The following CPED1 variants were observed in gnomAD, a reference collection of about 807,000 sequenced individuals.
The protein encoded by CPED1 is cadherin-like and PC-esterase domain-containing protein 1.
CPED1 carries 114 observed loss-of-function variants against 128.2 expected under a neutral mutation model. The observed-to-expected ratio is 0.89, with a 90% CI of 0.76 to 1.04. The LOEUF (loss-of-function observed/expected upper bound fraction) is 1.04. Among genes scored for constraint, CPED1 ranks in the 50% least tolerant of loss-of-function variants. The pLI, the probability that CPED1 is intolerant of heterozygous loss-of-function variation, is 0.00. For synonymous variants in CPED1, 462 were observed against 426.7 expected, an observed-to-expected ratio of 1.08 and a Z score of -1.02; for missense variants, 1,211 against 1,207.1, an observed-to-expected ratio of 1.00 and a Z score of -0.05.
At chr7:121,186,242 A>G (rs1796999479) in intron 16 of CPED1, among the ~76,000 whole-genome samples, 1 of 152,140 alleles carries the variant, frequency 6.6e-6, no homozygotes, top group South Asian at 2.1e-4. Context: ...GTCTTTGGTA[A>G]AATATGTTTC....
chr7:121,068,736 C>T (rs1793918464), intron 5 of CPED1, among the ~76,000 whole-genome samples: 1 of 151,330 alleles, frequency 6.6e-6, no homozygotes. Flanking sequence ...ATTGATTCTT[C>T]CTACCCATGA....
chr7:121,146,460 A>G (rs1796026856), intron 16 of CPED1, among the ~76,000 whole-genome samples: 2 of 152,260 alleles, frequency 1.3e-5, no homozygotes, highest in South Asian at 2.1e-4. Context: ...CCACTTCCAA[A>G]TAACCAAAGA....
rs191533941 is a variant in CPED1 at position 121,125,725 on chromosome 7, G to T, written c.1062-95G>T. On this transcript the variant is annotated intron_variant, in intron 8 of 22. Transcript: ENST00000310396. ...CCAGTCTATCATTAATGGGCATTTG[G>T]GTTGGTTCCAAGTTTTGCTGTTATA... 1.7e-3 allele frequency: 1,413 copies of T among 815,864 alleles called. 3 individuals are homozygous for T. The highest frequency in any genetic ancestry group is 0.011 in the Middle Eastern group (33 of 3,014). The allele number at this position is 815,864 out of a possible 1,614,324, so 50.5% of individuals were successfully genotyped here.
chr7:121,131,280 A>G (rs1031159122), intron 12 of CPED1, among the ~76,000 whole-genome samples: 6 of 152,120 alleles, frequency 3.9e-5, no homozygotes, highest in African/African-American at 1.4e-4. Context: ...CTTATTTGCC[A>G]TGGCTTTAAG....
intron 11 of CPED1, among the ~76,000 whole-genome samples, 173 bp from the exon 12 acceptor site, chr7:121,129,952 A>C (rs1056817015): frequency 6.6e-6 from 1 of 152,026 alleles, no homozygotes; most frequent in Non-Finnish European, 1.5e-5. Context: ...AGTTTCTTAT[A>C]AAAAGTGGCA....
At chr7:121,064,098 C>T (rs564409586) in intron 4 of CPED1, 140 bp from the exon 5 acceptor site, 56 of 558,390 alleles carry the variant, frequency 1.0e-4, no homozygotes, top group African/African-American at 7.8e-4. Context: ...TGCATGTTGA[C>T]TTGCAGAGAT....
chr7:121,101,002 T>C (rs1347805262), intron 7 of CPED1, among the ~76,000 whole-genome samples: 1 of 152,170 alleles, frequency 6.6e-6, no homozygotes, highest in African/African-American at 2.4e-5. Flanking sequence ...CATATTCTTC[T>C]GTAAGTTTAA....
chr7:121,100,131 A>C, intron 7 of CPED1, 37 bp downstream of exon 7: 1 of 1,596,128 alleles, frequency 6.3e-7, no homozygotes, highest in East Asian at 2.2e-5. Context: ...TCACGTAAGT[A>C]CACTGAAGTA....
intron 16 of CPED1, among the ~76,000 whole-genome samples, chr7:121,176,119 G>A (rs1310112276): frequency 6.7e-6 from 1 of 149,254 alleles, no homozygotes; most frequent in Non-Finnish European, 1.5e-5. Context: ...ATAGGGATAG[G>A]GTTAAATAAA....
At chr7:121,243,398 G>A (rs1030651852) in intron 17 of CPED1, among the ~76,000 whole-genome samples, 1 of 152,124 alleles carries the variant, frequency 6.6e-6, no homozygotes, top group Admixed American at 6.5e-5. Context: ...AAGCTGAAGT[G>A]TTTTGCATGA....
intron 2 of CPED1, among the ~76,000 whole-genome samples, chr7:121,001,158 A>G (rs1791844727): frequency 6.6e-6 from 1 of 152,098 alleles, no homozygotes; most frequent in Non-Finnish European, 1.5e-5. Context: ...CTACTTGTCC[A>G]CTTTCCTTTT....
chr7:121,268,663 T>G (rs1792178893), intron 21 of CPED1, among the ~76,000 whole-genome samples: 1 of 148,062 alleles, frequency 6.8e-6, no homozygotes, highest in Non-Finnish European at 1.5e-5. Flanking sequence ...CACACACACA[T>G]TCACACTCAC....
intron 5 of CPED1, among the ~76,000 whole-genome samples, chr7:121,097,324 A>G (rs1794723440): frequency 6.6e-6 from 1 of 152,148 alleles, no homozygotes; most frequent in Admixed American, 6.6e-5. Flanking sequence ...TCTATGTAAT[A>G]TTCTCATGAC....
intron 4 of CPED1, among the ~76,000 whole-genome samples, chr7:121,058,057 G>A (rs1232595266): frequency 6.6e-6 from 1 of 152,104 alleles, no homozygotes; most frequent in Non-Finnish European, 1.5e-5. Context: ...AGTAAAGGGA[G>A]AAAGTCTTGG....
intron 16 of CPED1, among the ~76,000 whole-genome samples, chr7:121,178,847 C>G (rs1796839678): frequency 6.6e-6 from 1 of 151,938 alleles, no homozygotes; most frequent in Non-Finnish European, 1.5e-5. Flanking sequence ...AAATTGAAAC[C>G]TGAAGGGGAA....
At chr7:120,997,746 C>A (rs1270819543) in intron 2 of CPED1, among the ~76,000 whole-genome samples, 2 of 151,786 alleles carry the variant, frequency 1.3e-5, no homozygotes, top group African/African-American at 4.8e-5. Context: ...CATGGTGAAA[C>A]CCTGTCTTTA....
At chr7:121,215,675 G>T (rs1797743826) in intron 16 of CPED1, among the ~76,000 whole-genome samples, 1 of 152,048 alleles carries the variant, frequency 6.6e-6, no homozygotes, top group Non-Finnish European at 1.5e-5. Flanking sequence ...ATTTGAAGTA[G>T]TCCAAATCTC....
At chr7:121,046,518 T>G (rs1793204886) in intron 3 of CPED1, among the ~76,000 whole-genome samples, 1 of 151,982 alleles carries the variant, frequency 6.6e-6, no homozygotes. Flanking sequence ...TTAAAAGATT[T>G]TATTATTTTT....
At chr7:121,188,234 T>A (rs1797049278) in intron 16 of CPED1, among the ~76,000 whole-genome samples, 1 of 152,158 alleles carries the variant, frequency 6.6e-6, no homozygotes, top group Non-Finnish European at 1.5e-5. Flanking sequence ...GACCATATGT[T>A]GATAATTGTT....
Sources: allele counts gnomAD v4.1 joint callset (sites outside exome capture counted in the v4.1 genomes callset), GRCh38; gene constraint gnomAD v4.1.1; transcripts MANE v1.5; gene names NCBI Gene and HGNC (gene_info 2026-07-23, HGNC 2026-07-21).